Variants in CDH19 observed in about 807,000 individuals in gnomAD.
CDH19 encodes the protein cadherin 19, also known as cadherin-19.
Under a neutral mutation model 64.2 loss-of-function variants are expected in CDH19, and 67 were observed. The ratio of observed to expected loss-of-function variants is 1.04; its 90% CI spans 0.86 to 1.28. CDH19 has a LOEUF of 1.28. Ranked by LOEUF, CDH19 falls within the 50% of genes most tolerant of loss-of-function variation. The pLI is 0.00. For synonymous variants in CDH19, 346 were observed against 319.3 expected, an observed-to-expected ratio of 1.08 and a Z score of -0.89; for missense variants, 1,030 against 929.0, an observed-to-expected ratio of 1.11 and a Z score of -1.41.
At chr18:66,561,268 C>G (rs1025871274) in intron 3 of CDH19, among the ~76,000 whole-genome samples, 3 of 152,004 alleles carry the variant, frequency 2.0e-5, no homozygotes, top group Non-Finnish European at 4.4e-5. Context: ...AAATCTGGGA[C>G]AAATGCTTCT....
At chr18:66,603,142 T>C (rs1400862004) in intron 1 of CDH19, among the ~76,000 whole-genome samples, 1 of 150,692 alleles carries the variant, frequency 6.6e-6, no homozygotes, top group Non-Finnish European at 1.5e-5. Context: ...TTTAGGTATT[T>C]TTTGTTGCTA....
rs1358464890 is a variant in CDH19, at chr18:66,554,521, G to A, written c.494C>T (p.Thr165Ile). The stretch of plus-strand genomic sequence containing the variant: ...ACTTGCTGTCACCTGGATAACTAAT[G>A]TTCCTAAAGAGAACATAATACAGGA... ...AIVPEMSPEG[T>I]LVIQVTASDA... Residue 165 changes from threonine to isoleucine, a missense_variant, in exon 4 of 12, where the codon ACA becomes ATA. By Grantham distance (89) the Thr-to-Ile change is moderately conservative. Transcript: ENST00000262150. 1 of 1,610,090 alleles carries A rather than the reference G, an allele frequency of 6.2e-7. No homozygotes were observed. Among genetic ancestry groups the A allele is most frequent in the Non-Finnish European group, 8.5e-7 (1 of 1,177,390 alleles).
chr18:66,543,582 C>A (rs1986978710), intron 7 of CDH19, among the ~76,000 whole-genome samples: 1 of 151,846 alleles, frequency 6.6e-6, no homozygotes, highest in Non-Finnish European at 1.5e-5. Flanking sequence ...ACAGATATAA[C>A]CTTGTTTAAA....
intron 1 of CDH19, among the ~76,000 whole-genome samples, chr18:66,578,215 G>C (rs2144595860): frequency 6.6e-6 from 1 of 152,040 alleles, no homozygotes; most frequent in Admixed American, 6.6e-5. Flanking sequence ...ACAAGTCACA[G>C]ACTGAGCGAA....
intron 7 of CDH19, among the ~76,000 whole-genome samples, chr18:66,536,425 C>T (rs1316343483): frequency 2.6e-5 from 4 of 151,724 alleles, no homozygotes; most frequent in African/African-American, 9.7e-5. Context: ...TTGCCTTTCA[C>T]ACCTAATAGA....
At chr18:66,538,741 T>C (rs1986775434) in intron 7 of CDH19, among the ~76,000 whole-genome samples, 1 of 152,114 alleles carries the variant, frequency 6.6e-6, no homozygotes, top group South Asian at 2.1e-4. Context: ...CTTTGAAGCC[T>C]GTAGGGGTGA....
At chr18:66,598,779 C>T (rs748554472) in intron 1 of CDH19, among the ~76,000 whole-genome samples, 2 of 151,978 alleles carry the variant, frequency 1.3e-5, no homozygotes, top group Non-Finnish European at 1.5e-5. Flanking sequence ...TAAACCGCAG[C>T]AACATGCAAT....
chr18:66,563,663 T>C (rs920033890), intron 3 of CDH19, among the ~76,000 whole-genome samples: 3 of 152,088 alleles, frequency 2.0e-5, no homozygotes, highest in Admixed American at 2.0e-4. Context: ...AGGATAATTA[T>C]TTTTCTACCA....
intron 9 of CDH19, among the ~76,000 whole-genome samples, chr18:66,513,316 A>G (rs1985582292): frequency 6.6e-6 from 1 of 151,502 alleles, no homozygotes; most frequent in Admixed American, 6.6e-5. Flanking sequence ...ATGCATATGT[A>G]CAGGAAACTG....
chr18:66,567,972 T>G (rs1478945365), intron 3 of CDH19, among the ~76,000 whole-genome samples: 1 of 151,774 alleles, frequency 6.6e-6, no homozygotes, highest in Admixed American at 6.6e-5. Flanking sequence ...CACTTAGTTT[T>G]GTCTTAGTGG....
In CDH19 at chr18:66,554,087, T is replaced by C. The variant is rs79658453; in HGVS notation, c.610+318A>G. Reference sequence around the variant, plus strand: ...CTTACTGGCTTTCTGTATATTGTTCTTTGTCAATTGCTTATAAATGTTTTT... The same window carrying C: ...CTTACTGGCTTTCTGTATATTGTTCCTTGTCAATTGCTTATAAATGTTTTT... On this transcript the variant is annotated intron_variant, in intron 4 of 11. Coordinates refer to ENST00000262150, the MANE Select transcript of CDH19 (RefSeq NM_021153.4). Among the ~76,000 whole-genome samples the C allele has an allele frequency of 6.4e-3, 971 of 152,134 alleles. 6 individuals carry two copies. The highest frequency in any genetic ancestry group is 0.011 in the Non-Finnish European group (725 of 67,928).
intron 1 of CDH19, among the ~76,000 whole-genome samples, chr18:66,599,054 A>C (rs552337874): frequency 1.3e-5 from 2 of 152,128 alleles, no homozygotes; most frequent in South Asian, 4.1e-4. Context: ...AATGTAAAAA[A>C]TTGTATCACT....
At chr18:66,555,006 G>A (rs1253161781) in intron 3 of CDH19, among the ~76,000 whole-genome samples, 4 of 151,606 alleles carry the variant, frequency 2.6e-5, no homozygotes, top group African/African-American at 7.3e-5. Flanking sequence ...GATAAGGATG[G>A]GCATAATTAT....
chr18:66,550,162 T>C (rs1052276043), intron 5 of CDH19, among the ~76,000 whole-genome samples: 1 of 152,128 alleles, frequency 6.6e-6, no homozygotes, highest in Non-Finnish European at 1.5e-5. Flanking sequence ...TTTCTGGAAG[T>C]GCTTATAAAT....
chr18:66,530,376 T>C (rs1025894329), intron 8 of CDH19, among the ~76,000 whole-genome samples: 2 of 152,110 alleles, frequency 1.3e-5, no homozygotes, highest in Admixed American at 6.6e-5. Flanking sequence ...TGATAAACCA[T>C]TTAGTTTCAA....
chr18:66,547,661 G>GTTTTTTTTT (rs71169155), intron 5 of CDH19, among the ~76,000 whole-genome samples: 4 of 80,146 alleles, frequency 5.0e-5, no homozygotes, highest in South Asian at 5.6e-4. Context: ...TGTGTGTTAG[G>GTTTTTTTTT]TTTTTTTTTT....
Position 66,572,056 on chromosome 18 carries a change from A to C in CDH19, c.149T>G (p.Phe50Cys), listed in dbSNP as rs761230023. ...CGTATTCATTTCCTCTGGTACAAAA[A>C]ATTGGTTCCACACCCAGCCACGCTT... ...RVKRGWVWNQ[F>C]FVPEEMNTTS... The change falls in exon 2 of 12, where the codon TTT becomes TGT. Residue 50 changes from phenylalanine (F) to cysteine (C), a missense_variant. Physicochemically the swap from Phe to Cys is radical, Grantham distance 205. Coordinates refer to ENST00000262150, the MANE Select transcript of CDH19 (RefSeq NM_021153.4). 9.3e-6 allele frequency: 15 copies of C among 1,611,240 alleles called. No individual in the cohort carries two copies. Among genetic ancestry groups the C allele is most frequent in the African/African-American group, 1.3e-5 (1 of 74,706 alleles).
At position 66,572,126 on chromosome 18, in the gene CDH19, GA is replaced by G; in HGVS notation, c.78del (p.Gln27LysfsTer13). On this transcript the variant is annotated frameshift_variant, in exon 2 of 12. Transcript: ENST00000262150. LOFTEE classifies it high-confidence loss of function. ...ACTGGCTGCTTGACTTTCTTTGTTT[GA>G]GAGTTTTCTGTTGCTCCAAGACAAG... Reference protein sequence around the residue: ...LWPCLGATENSQTKKVKQPVR... With the variant: ...LWPCLGATENXQTKKVKQPVR... 1 of 1,611,566 alleles carries G rather than the reference GA, an allele frequency of 6.2e-7. No individual in the cohort carries two copies. Among genetic ancestry groups the G allele is most frequent in the South Asian group, 1.1e-5 (1 of 91,016 alleles).
chr18:66,576,670 C>T, intron 1 of CDH19, among the ~76,000 whole-genome samples: 1 of 151,168 alleles, frequency 6.6e-6, no homozygotes, highest in Non-Finnish European at 1.5e-5. Flanking sequence ...CAAGAAGAAA[C>T]ACACAAATCT....
Sources: gnomAD v4.1 joint callset for allele counts (sites outside exome capture counted in the v4.1 genomes callset) on GRCh38, gnomAD v4.1.1 for gene constraint, MANE v1.5 for transcripts, NCBI Gene and HGNC (gene_info 2026-07-23, HGNC 2026-07-21) for gene names.